Variants in RAB22A observed in about 807,000 individuals in gnomAD.
The protein encoded by RAB22A is RAB22A, member RAS oncogene family, also known as ras-related protein Rab-22A.
RAB22A carries 13 observed loss-of-function variants against 30.2 expected under a neutral mutation model. The ratio of observed to expected loss-of-function variants is 0.43; its 90% CI spans 0.28 to 0.68. The LOEUF (loss-of-function observed/expected upper bound fraction) is 0.68, where lower values mean the gene tolerates loss of function less well. RAB22A is among the 30% of genes least tolerant of loss of function. The pLI, the probability that RAB22A is intolerant of heterozygous loss-of-function variation, is 0.18. For synonymous variants in RAB22A, 89 were observed against 87.2 expected (o/e 1.02, Z -0.11); for missense variants, 177 against 246.8 (o/e 0.72, Z 1.89).
At chr20:58,316,197 A>T (rs148301045) in intron 2 of RAB22A, among the ~76,000 whole-genome samples, 1 of 152,276 alleles carries the variant, frequency 6.6e-6, no homozygotes, top group Admixed American at 6.5e-5. Flanking sequence ...TAAATGGGAG[A>T]TGGACCAGGT....
At chr20:58,349,144 T>C (rs1225342746) in intron 3 of RAB22A, among the ~76,000 whole-genome samples, 3 of 151,984 alleles carry the variant, frequency 2.0e-5, no homozygotes, top group Admixed American at 2.0e-4. Flanking sequence ...TAATAGCGAG[T>C]GGCTTGCCCT....
chr20:58,354,039 C>A, intron 5 of RAB22A, 117 bp from the exon 6 acceptor site: 1 of 643,376 alleles, frequency 1.6e-6, no homozygotes, highest in Non-Finnish European at 2.7e-6. Context: ...CAGGGCCCAT[C>A]CAGCAGCCAT....
intron 2 of RAB22A, among the ~76,000 whole-genome samples, chr20:58,335,050 A>G (rs1467347989): frequency 6.6e-6 from 1 of 152,252 alleles, no homozygotes; most frequent in East Asian, 1.9e-4. Context: ...AAAGTGCGAT[A>G]TAGTCACGCA....
intron 2 of RAB22A, among the ~76,000 whole-genome samples, chr20:58,324,304 G>A (rs1186679556): frequency 9.2e-6 from 1 of 108,204 alleles, no homozygotes; most frequent in Non-Finnish European, 1.8e-5. Flanking sequence ...AATACATTGG[G>A]GTTTTTTTTT....
intron 3 of RAB22A, among the ~76,000 whole-genome samples, chr20:58,347,121 C>T (rs1363626010): frequency 6.6e-6 from 1 of 152,158 alleles, no homozygotes; most frequent in Non-Finnish European, 1.5e-5. Flanking sequence ...GTAGTTATGA[C>T]ATTTATTATG....
At chr20:58,317,683 C>T (rs943406479) in intron 2 of RAB22A, among the ~76,000 whole-genome samples, 80 of 151,230 alleles carry the variant, frequency 5.3e-4, no homozygotes, top group African/African-American at 1.7e-3. Context: ...CTCAGCCTCC[C>T]GAGTAGCTGG....
In RAB22A at chr20:58,309,966, G is replaced by A; in HGVS notation, c.-11G>A. 3 of 1,264,798 alleles carry A rather than the reference G, an allele frequency of 2.4e-6. No individual in the cohort carries two copies. The highest frequency in any genetic ancestry group is 3.4e-5 in the South Asian group (1 of 29,542). 78.3% of individuals were successfully genotyped at this position (1,264,798 alleles called of 1,614,324 possible). A position where few individuals can be genotyped will look rare whatever the true frequency, so the allele number is the denominator to read the frequency against. ...GGGCGGCGGCGGGCCCGCGCCCCTG[G>A]CTCCCGGGCCATGGCGCTGAGGGAG... is the stretch of plus-strand genomic sequence containing the variant. On this transcript the variant is annotated 5_prime_UTR_variant, in exon 1 of 7. Coordinates refer to ENST00000244040, the MANE Select transcript of RAB22A (RefSeq NM_020673.3).
chr20:58,329,753 G>A lies in RAB22A; in HGVS notation c.117-13965G>A, dbSNP rs181784369. Among the ~76,000 whole-genome samples the A allele has an allele frequency of 3.7e-4, 57 of 152,280 alleles. 1 individual carries two copies. ...TTAAACTGCTAGATATTATACCACAGGCCATGGAGGCTCTGAGTTTGTGTC... is the reference window on the plus strand; with the variant it reads ...TTAAACTGCTAGATATTATACCACAAGCCATGGAGGCTCTGAGTTTGTGTC... On this transcript the variant is annotated intron_variant, in intron 2 of 6. Transcript: ENST00000244040.
At chr20:58,353,132 A>C (rs1465072327) in intron 3 of RAB22A, 141 bp from the exon 4 acceptor site, 7 of 741,552 alleles carry the variant, frequency 9.4e-6, no homozygotes, top group Non-Finnish European at 1.5e-5. Context: ...TTACTGGTTC[A>C]TTTGCTTTAA....
chr20:58,362,568 G>A lies in RAB22A; in HGVS notation c.*2865G>A, dbSNP rs1054849635. 2.0e-5 allele frequency: 3 copies of A among 152,140 alleles called. No homozygotes were observed. The highest frequency in any genetic ancestry group is 7.2e-5 in the African/African-American group (3 of 41,430). 9.4% of individuals were successfully genotyped at this position (152,140 alleles called of 1,614,324 possible). A position where few individuals can be genotyped will look rare whatever the true frequency, so the allele number is the denominator to read the frequency against. ...GAGAAATTGAAATAAGCTCTTTGCA[G>A]GCGTCCAATCCTAGAAACCAATGGT... On this transcript the variant is annotated 3_prime_UTR_variant, in exon 7 of 7. Transcript: ENST00000244040.
At position 58,343,794 on chromosome 20, in the gene RAB22A, G is replaced by A; in HGVS notation, c.193G>A (p.Glu65Lys). The A allele has an allele frequency of 6.2e-7, 1 of 1,600,744 alleles. No individual in the cohort carries two copies. Among genetic ancestry groups the A allele is most frequent in the Non-Finnish European group, 8.6e-7 (1 of 1,167,932 alleles). The change falls in exon 3 of 7, where the codon GAA becomes AAA. Residue 65 changes from glutamate to lysine, a missense_variant. Transcript: ENST00000244040. ...KFLIWDTAGQ[E>K]RFRALAPMYY... Reference sequence around the variant, plus strand: ...CCTAATCTGGGATACAGCTGGACAAGAACGAGTAAGTCACTCTTTAATTTA... The same window carrying A: ...CCTAATCTGGGATACAGCTGGACAAAAACGAGTAAGTCACTCTTTAATTTA...
At chr20:58,356,302 A>G (rs1706348841) in intron 6 of RAB22A, among the ~76,000 whole-genome samples, 2 of 148,298 alleles carry the variant, frequency 1.3e-5, no homozygotes, top group Non-Finnish European at 3.0e-5. Context: ...CAAGAGCAAG[A>G]CTCCATCTCA....
chr20:58,362,151 G>A lies in RAB22A; in HGVS notation c.*2448G>A, dbSNP rs983643487. The A allele has an allele frequency of 4.6e-5, 7 of 152,032 alleles. No homozygotes were observed. The highest frequency in any genetic ancestry group is 2.0e-4 in the Admixed American group (3 of 15,260). 9.4% of individuals were successfully genotyped at this position (152,032 alleles called of 1,614,324 possible). ...AGAACTTGACTCGGCACTGTTTCTC[G>A]TGTAATATCCTTCTAATGCTTAGCA... On this transcript the variant is annotated 3_prime_UTR_variant, in exon 7 of 7. Coordinates refer to ENST00000244040, the MANE Select transcript of RAB22A (RefSeq NM_020673.3).
chr20:58,329,056 CTTT>C (rs34919452), intron 2 of RAB22A, among the ~76,000 whole-genome samples: 1 of 139,798 alleles, frequency 7.2e-6, no homozygotes. Context: ...TGCATATTCC[CTTT>C]TTTTTTTTTT....
At chr20:58,318,024 G>A (rs958207560) in intron 2 of RAB22A, among the ~76,000 whole-genome samples, 6 of 151,932 alleles carry the variant, frequency 3.9e-5, no homozygotes, top group African/African-American at 1.5e-4. Flanking sequence ...GCATCACCAT[G>A]CCTTGCTAAT....
At chr20:58,314,171 C>T (rs1055506559) in intron 2 of RAB22A, among the ~76,000 whole-genome samples, 3 of 151,980 alleles carry the variant, frequency 2.0e-5, no homozygotes, top group Non-Finnish European at 2.9e-5. Context: ...GCCTCAGCCT[C>T]CCATATAGTT....
intron 3 of RAB22A, 35 bp downstream of exon 3, chr20:58,343,834 G>A: frequency 6.6e-7 from 1 of 1,516,160 alleles, no homozygotes; most frequent in South Asian, 1.1e-5. Flanking sequence ...GTTTTTCTGA[G>A]GCCCAAATGA....
chr20:58,363,978 C>CT lies in RAB22A; in HGVS notation c.*4277dup, dbSNP rs2122979361. On this transcript the variant is annotated 3_prime_UTR_variant, in exon 7 of 7. Coordinates refer to ENST00000244040, the MANE Select transcript of RAB22A (RefSeq NM_020673.3). Reference sequence around the variant, plus strand: ...CGAATTTCTCTTGACAGCGGAGTTGCTTGTCTTGACTTCTAATAATATAAA... The same window carrying CT: ...CGAATTTCTCTTGACAGCGGAGTTGCTTTGTCTTGACTTCTAATAATATAAA... 1 of 152,746 alleles carries CT rather than the reference C, an allele frequency of 6.5e-6. No homozygotes were observed. The highest frequency in any genetic ancestry group is 2.1e-4 in the South Asian group (1 of 4,834). 9.5% of individuals were successfully genotyped at this position (152,746 alleles called of 1,614,324 possible).
At chr20:58,346,371 A>G (rs2084391682) in intron 3 of RAB22A, among the ~76,000 whole-genome samples, 1 of 152,078 alleles carries the variant, frequency 6.6e-6, no homozygotes, top group Non-Finnish European at 1.5e-5. Flanking sequence ...CCCAAGCCCC[A>G]CGTGACTTGC....
Sources: gnomAD v4.1 joint callset for allele counts (sites outside exome capture counted in the v4.1 genomes callset) on GRCh38, gnomAD v4.1.1 for gene constraint, MANE v1.5 for transcripts, NCBI Gene and HGNC (gene_info 2026-07-23, HGNC 2026-07-21) for gene names.